Variants in DAB1 observed in about 807,000 individuals in gnomAD.
DAB1 encodes DAB adaptor protein 1.
A neutral mutation model predicts 64.6 loss-of-function variants in DAB1; 15 were observed. That is an observed-to-expected ratio of 0.23 (90% CI 0.16 to 0.36). The LOEUF (loss-of-function observed/expected upper bound fraction) is 0.36. Ranked by LOEUF, DAB1 falls within the 10% of genes least tolerant of loss-of-function variation. DAB1 has a pLI of 1.00. For synonymous variants in DAB1, 235 were observed against 251.9 expected (o/e 0.93, Z 0.64); for missense variants, 596 against 706.7 (o/e 0.84, Z 1.78).
At chr1:58,483,531 GGTCTT>G (rs1451957546) in intron 3 of DAB1, among the ~76,000 whole-genome samples, 3 of 152,106 alleles carry the variant, frequency 2.0e-5, no homozygotes, top group South Asian at 4.1e-4. Context: ...CAGTGGCAGT[GGTCTT>G]GTCTTATTTT....
chr1:58,014,533 G>A (rs1293636485), intron 5 of DAB1, among the ~76,000 whole-genome samples: 1 of 152,134 alleles, frequency 6.6e-6, no homozygotes, highest in South Asian at 2.1e-4. Flanking sequence ...GTGGCCCTTG[G>A]GCCCTCGGTC....
At chr1:57,376,958 T>C (rs1680944516) in intron 1 of DAB1, among the ~76,000 whole-genome samples, 1 of 152,164 alleles carries the variant, frequency 6.6e-6, no homozygotes, top group African/African-American at 2.4e-5. Context: ...TGACAGAATC[T>C]GGCAGAAAAA....
chr1:57,295,112 G>T (rs544026385), intron 1 of DAB1, among the ~76,000 whole-genome samples: 1 of 152,238 alleles, frequency 6.6e-6, no homozygotes, highest in South Asian at 2.1e-4. Context: ...TGGGTATGGG[G>T]TCTTCTTTGG....
At chr1:57,030,788 T>C (rs1557586422) in intron 9 of DAB1, among the ~76,000 whole-genome samples, 1 of 152,250 alleles carries the variant, frequency 6.6e-6, no homozygotes, top group East Asian at 1.9e-4. Context: ...TATTATTTGG[T>C]GAAGCTATGC....
At chr1:57,889,471 A>C (rs749156490) in intron 5 of DAB1, among the ~76,000 whole-genome samples, 4 of 152,256 alleles carry the variant, frequency 2.6e-5, no homozygotes, top group Admixed American at 6.5e-5. Context: ...GATTCTTTCC[A>C]TACCTGACAC....
In DAB1 at chr1:57,069,402, G is replaced by C. The variant is rs200048299; in HGVS notation, c.621C>G (p.His207Gln). 1 of 1,613,368 alleles carries C rather than the reference G, an allele frequency of 6.2e-7. No homozygotes were observed. Among genetic ancestry groups the C allele is most frequent in the Non-Finnish European group, 8.5e-7 (1 of 1,179,498 alleles). Residue 207 changes from histidine (H) to glutamine (Q), a missense_variant, in exon 8 of 15, where the codon CAC becomes CAG. Physicochemically the swap from His to Gln is conservative, Grantham distance 24. This residue lies in a region of DAB1 where 176 missense variants were observed against 266.7 expected (regional missense o/e 0.66). Coordinates refer to ENST00000371236, the MANE Select transcript of DAB1 (RefSeq NM_001365792.1). ...CCGTTTCGGGATCACGGATTGGCTC[G>C]TGTCCAGCCTCAAACACAATGTACT... The part of the protein sequence containing the change: ...VYQYIVFEAG[H>Q]EPIRDPETEE...
At chr1:57,717,984 C>T (rs1647104928) in intron 6 of DAB1, among the ~76,000 whole-genome samples, 1 of 151,976 alleles carries the variant, frequency 6.6e-6, no homozygotes, top group South Asian at 2.1e-4. Context: ...GGAGAGATTG[C>T]TCAAGGGTAC....
chr1:58,080,055 T>C (rs1265368765), intron 5 of DAB1: 1 of 152,198 alleles, frequency 6.6e-6, no homozygotes, highest in African/African-American at 2.4e-5. Flanking sequence ...GGCAGTTGCA[T>C]GTAAATGTGG....
chr1:57,517,236 A>G (rs552655827), intron 7 of DAB1, among the ~76,000 whole-genome samples: 5 of 152,052 alleles, frequency 3.3e-5, no homozygotes, highest in Non-Finnish European at 5.9e-5. Flanking sequence ...ATCATACCTC[A>G]TTGCAGCTTC....
chr1:57,536,552 CAGTAT>C (rs979932804), intron 7 of DAB1, among the ~76,000 whole-genome samples: 66 of 151,992 alleles, frequency 4.3e-4, no homozygotes, highest in African/African-American at 1.5e-3. Flanking sequence ...CTGCCTGAGG[CAGTAT>C]CTCAATAAAC....
At chr1:57,263,119 A>ATTT (rs1558047871) in intron 2 of DAB1, among the ~76,000 whole-genome samples, 11 of 111,370 alleles carry the variant, frequency 9.9e-5, no homozygotes, top group South Asian at 3.2e-4. Context: ...AAGAAGATAA[A>ATTT]ATTTTTTTTT....
chr1:58,076,280 A>C (rs1278696318), intron 5 of DAB1, among the ~76,000 whole-genome samples: 3 of 152,200 alleles, frequency 2.0e-5, no homozygotes. Flanking sequence ...AAACATGTAG[A>C]GATTAATTAA....
chr1:57,072,161 A>G (rs1487956898), intron 5 of DAB1, 122 bp downstream of exon 5: 3 of 1,098,226 alleles, frequency 2.7e-6, no homozygotes, highest in African/African-American at 3.1e-5. Flanking sequence ...GTGAGCATCA[A>G]CTTCAGTGGA....
At chr1:57,933,155 G>A (rs1378742233) in intron 5 of DAB1, among the ~76,000 whole-genome samples, 2 of 152,318 alleles carry the variant, frequency 1.3e-5, no homozygotes, top group Admixed American at 6.5e-5. Context: ...AACTCTCAGA[G>A]TTGTCCACAC....
Position 58,543,690 on chromosome 1 carries a change from A to G in DAB1, n.32+3013T>C, listed in dbSNP as rs147253775. ...TAATCATTTAAAAAATGACATGATG[A>G]TCTGTAAATCTTTAAAAGATTTAAA... is the stretch of plus-strand genomic sequence containing the variant. On this transcript the variant is annotated intron_variant and non_coding_transcript_variant, in intron 1 of 20. Transcript: ENST00000485760. Among the ~76,000 whole-genome samples, 992 of 152,352 alleles carry G rather than the reference A, an allele frequency of 6.5e-3. 16 individuals are homozygous for G. The highest frequency in any genetic ancestry group is 7.5e-3 in the Non-Finnish European group (510 of 68,034).
rs1281117780 is a variant in DAB1 at position 57,071,058 on chromosome 1, T to C, written c.562A>G (p.Ile188Val). 2 of 1,612,570 alleles carry C rather than the reference T, an allele frequency of 1.2e-6. No individual in the cohort carries two copies. Among genetic ancestry groups the C allele is most frequent in the Non-Finnish European group, 1.7e-6 (2 of 1,178,772 alleles). ...KQCEQAVYQT[I>V]LEEDVEDPVY... Reference sequence around the variant, plus strand: ...GGATCTTCAACATCCTCTTCCAATATTGTCTATTGCAGAGTAAGGAGAGGG... The same window carrying C: ...GGATCTTCAACATCCTCTTCCAATACTGTCTATTGCAGAGTAAGGAGAGGG... Residue 188 changes from isoleucine (I) to valine (V), a missense_variant, in exon 7 of 15, where the codon ATA (isoleucine) becomes GTA (valine). Ile to Val is a conservative substitution (Grantham distance 29). Transcript: ENST00000371236.
At chr1:57,185,446 G>A (rs974539778) in intron 2 of DAB1, among the ~76,000 whole-genome samples, 2 of 152,146 alleles carry the variant, frequency 1.3e-5, no homozygotes, top group African/African-American at 4.8e-5. Context: ...AGGGGACAGA[G>A]TCTGAGAGAC....
At chr1:57,957,103 T>A (rs1359748964) in intron 5 of DAB1, among the ~76,000 whole-genome samples, 1 of 152,202 alleles carries the variant, frequency 6.6e-6, no homozygotes, top group Non-Finnish European at 1.5e-5. Context: ...GAGCATGTGA[T>A]TTGACTTACA....
intron 1 of DAB1, among the ~76,000 whole-genome samples, chr1:57,384,847 T>C (rs1681678026): frequency 6.6e-6 from 1 of 152,172 alleles, no homozygotes; most frequent in South Asian, 2.1e-4. Context: ...TTGAACAACA[T>C]ACACTTAAAA....
Sources: gnomAD v4.1 joint callset for allele counts (sites outside exome capture counted in the v4.1 genomes callset) on GRCh38, gnomAD v4.1.1 for gene constraint, gnomAD v4.1.1 regional missense constraint, MANE v1.5 for transcripts, NCBI Gene and HGNC (gene_info 2026-07-23, HGNC 2026-07-21) for gene names.